The following CADM2 variants were observed in gnomAD, a reference collection of about 807,000 sequenced individuals.
CADM2 encodes the protein immunoglobulin superfamily member 4D.
In CADM2, 12 loss-of-function variants were observed where a neutral mutation model predicts 49.8. That is an observed-to-expected ratio of 0.24 (90% confidence interval 0.15 to 0.39). The LOEUF is 0.39. CADM2 is among the 10% of genes least tolerant of loss of function. CADM2 has a pLI of 1.00. For synonymous variants in CADM2, 214 were observed against 175.4 expected, an observed-to-expected ratio of 1.22 and a Z score of -1.74; for missense variants, 378 against 492.3, an observed-to-expected ratio of 0.77 and a Z score of 2.20.
chr3:85,234,678 A>G (rs956049573), intron 1 of CADM2, among the ~76,000 whole-genome samples: 1 of 152,160 alleles, frequency 6.6e-6, no homozygotes, highest in African/African-American at 2.4e-5. Context: ...CTGGTCAGTG[A>G]TGATGATTCA....
At chr3:85,527,002 G>A (rs1016914744) in intron 1 of CADM2, among the ~76,000 whole-genome samples, 1 of 152,194 alleles carries the variant, frequency 6.6e-6, no homozygotes, top group South Asian at 2.1e-4. Flanking sequence ...TAATTTAAAT[G>A]TATATTTTAG....
At chr3:84,992,427 G>C (rs112857003) in intron 1 of CADM2, among the ~76,000 whole-genome samples, 2 of 151,886 alleles carry the variant, frequency 1.3e-5, no homozygotes, top group African/African-American at 4.8e-5. Flanking sequence ...TCAAGAGATC[G>C]TGACCATCCT....
chr3:85,764,212 T>C (rs2069541257), intron 2 of CADM2, among the ~76,000 whole-genome samples: 1 of 152,148 alleles, frequency 6.6e-6, no homozygotes, highest in Non-Finnish European at 1.5e-5. Context: ...CATTTTTGTA[T>C]GAACAGCAAT....
intron 1 of CADM2, among the ~76,000 whole-genome samples, chr3:85,491,317 A>G (rs907481372): frequency 6.6e-6 from 1 of 152,206 alleles, no homozygotes; most frequent in South Asian, 2.1e-4. Context: ...AAATTTTTTA[A>G]TAAGACAAAA....
intron 5 of CADM2, among the ~76,000 whole-genome samples, chr3:85,901,193 T>A (rs905120244): frequency 3.9e-5 from 6 of 151,998 alleles, no homozygotes; most frequent in Non-Finnish European, 7.4e-5. Flanking sequence ...AAACTCCATC[T>A]CAAAAAAAGA....
At chr3:85,428,137 A>G (rs541641496) in intron 1 of CADM2, among the ~76,000 whole-genome samples, 1 of 151,554 alleles carries the variant, frequency 6.6e-6, no homozygotes, top group Admixed American at 6.6e-5. Context: ...ACTGTTGAGT[A>G]CTTTCTCACA....
intron 1 of CADM2, among the ~76,000 whole-genome samples, chr3:85,164,991 G>A (rs893688910): frequency 1.3e-5 from 2 of 151,334 alleles, no homozygotes; most frequent in Admixed American, 6.6e-5. Flanking sequence ...TGTGTTTCAC[G>A]TTGGTCAGGA....
chr3:85,788,173 A>G (rs1559657492), intron 2 of CADM2, among the ~76,000 whole-genome samples: 1 of 152,138 alleles, frequency 6.6e-6, no homozygotes, highest in Admixed American at 6.6e-5. Context: ...TTCTGGTATA[A>G]AACATACATT....
chr3:85,504,597 A>G (rs2040244785), intron 1 of CADM2, among the ~76,000 whole-genome samples: 1 of 152,182 alleles, frequency 6.6e-6, no homozygotes, highest in Non-Finnish European at 1.5e-5. Flanking sequence ...CAAATTCAGG[A>G]GCCCAGCTGG....
intron 1 of CADM2, among the ~76,000 whole-genome samples, chr3:85,623,503 T>G (rs946287380): frequency 1.3e-5 from 2 of 152,098 alleles, no homozygotes; most frequent in Non-Finnish European, 2.9e-5. Flanking sequence ...GGAGCCCAAA[T>G]GTAATGATGG....
chr3:85,009,781 A>C (rs9877460), intron 1 of CADM2, among the ~76,000 whole-genome samples: 36,083 of 151,614 alleles, frequency 0.24, 5,382 homozygotes, highest in Non-Finnish European at 0.34. Flanking sequence ...CAGGAGAATC[A>C]CTTGAACCCC....
intron 7 of CADM2, among the ~76,000 whole-genome samples, chr3:85,947,884 A>C (rs574046671): frequency 6.6e-6 from 1 of 151,646 alleles, no homozygotes; most frequent in South Asian, 2.1e-4. Context: ...CCATAGAGGA[A>C]ATGTACTTTT....
At chr3:86,022,322 T>A (rs934370566) in intron 8 of CADM2, among the ~76,000 whole-genome samples, 1 of 152,122 alleles carries the variant, frequency 6.6e-6, no homozygotes, top group Admixed American at 6.5e-5. Flanking sequence ...ACTATAAGCC[T>A]CAGTTATTCC....
intron 8 of CADM2, among the ~76,000 whole-genome samples, chr3:86,032,860 C>T (rs1485682532): frequency 6.6e-6 from 1 of 151,536 alleles, no homozygotes; most frequent in Non-Finnish European, 1.5e-5. Flanking sequence ...CCTTTAAAAC[C>T]AACCCTGCCT....
intron 3 of CADM2, among the ~76,000 whole-genome samples, chr3:85,812,893 C>T (rs1318444728): frequency 2.6e-5 from 4 of 152,034 alleles, no homozygotes; most frequent in Admixed American, 2.0e-4. Context: ...CCTTCTTTAT[C>T]GCTTCATAGT....
At chr3:84,967,144 C>T (rs2031061661) in intron 1 of CADM2, among the ~76,000 whole-genome samples, 1 of 151,960 alleles carries the variant, frequency 6.6e-6, no homozygotes, top group South Asian at 2.1e-4. Context: ...GATATGCTGC[C>T]GACTGCTAAG....
intron 2 of CADM2, among the ~76,000 whole-genome samples, chr3:85,766,916 TTG>T (rs1275697478): frequency 7.2e-5 from 11 of 152,194 alleles, no homozygotes; most frequent in African/African-American, 2.7e-4. Flanking sequence ...TCTTTATGTA[TTG>T]TGTTTAATAA....
At position 86,073,638 on chromosome 3, in the gene CADM2, TTTAG is replaced by T. The variant is rs1703399317; in HGVS notation, c.*6859_*6862del. The T allele has an allele frequency of 6.6e-6, 1 of 151,978 alleles. No individual in the cohort carries two copies. Among genetic ancestry groups the T allele is most frequent in the Non-Finnish European group, 1.5e-5 (1 of 67,898 alleles). 9.4% of individuals were successfully genotyped at this position (151,978 alleles called of 1,614,324 possible). On this transcript the variant is annotated 3_prime_UTR_variant, in exon 10 of 10. Transcript: ENST00000383699. ...AAATATGGAAAAATAAAATTTGAAT[TTTAG>T]TTATCTGTTGGACATTACTGAATTG...
At chr3:85,236,054 T>C (rs1048426570) in intron 1 of CADM2, among the ~76,000 whole-genome samples, 2 of 152,050 alleles carry the variant, frequency 1.3e-5, no homozygotes, top group African/African-American at 4.8e-5. Flanking sequence ...GGTTCTGTTA[T>C]GCCGCCTCAC....
Sources: gnomAD v4.1 joint callset for allele counts (sites outside exome capture counted in the v4.1 genomes callset) on GRCh38, gnomAD v4.1.1 for gene constraint, MANE v1.5 for transcripts, NCBI Gene and HGNC (gene_info 2026-07-23, HGNC 2026-07-21) for gene names.